Variants in TATDN2 observed in about 807,000 individuals in gnomAD.
TATDN2 encodes TatD DNase domain containing 2, also known as 3'-5' RNA nuclease TATDN2.
Under a neutral mutation model 60.3 loss-of-function variants are expected in TATDN2, and 44 were observed. The observed-to-expected ratio is 0.73, with a 90% confidence interval of 0.57 to 0.94. TATDN2 has a LOEUF of 0.94. TATDN2 is among the 40% of genes least tolerant of loss of function. The pLI, the probability that TATDN2 is intolerant of heterozygous loss-of-function variation, is 0.00. For missense variants in TATDN2, 997 were observed against 948.0 expected (o/e 1.05, Z -0.68); for synonymous variants, 399 against 355.8 (o/e 1.12, Z -1.37).
At position 10,270,264 on chromosome 3, in the gene TATDN2, C is replaced by A. The variant is rs1698539242; in HGVS notation, c.1082C>A (p.Ser361Tyr). 1 of 1,614,096 alleles carries A rather than the reference C, an allele frequency of 6.2e-7. No homozygotes were observed. Among genetic ancestry groups the A allele is most frequent in the Non-Finnish European group, 8.5e-7 (1 of 1,180,056 alleles). ...AAACCTTCAGCCGTTCCGGAGCCTT[C>A]TTCCTTCACCACCGACTATGTCATG... ...SLKPSAVPEP[S>Y]SFTTDYVMYP... The change falls in exon 4 of 8, where the codon TCT (serine) becomes TAT (tyrosine). Residue 361 changes from serine (S) to tyrosine (Y), a missense_variant. Transcript: ENST00000448281.
Position 10,278,697 on chromosome 3 carries a change from C to T in TATDN2, c.2146-188C>T. The stretch of plus-strand genomic sequence containing the variant: ...AAGCCCTACCCTGTAGAGGGTAGTC[C>T]AAGGAAGCGTGGGACCCTGCTCACC... On this transcript the variant is annotated intron_variant, in intron 6 of 7. Coordinates refer to ENST00000448281, the MANE Select transcript of TATDN2 (RefSeq NM_014760.4). The surrounding 1 kb of genome is among the most constrained non-coding windows in gnomAD (Gnocchi z 4.7). The T allele has an allele frequency of 9.7e-7, 1 of 1,028,570 alleles. No homozygotes were observed. Among genetic ancestry groups the T allele is most frequent in the African/African-American group, 1.6e-5 (1 of 63,242 alleles). 63.7% of individuals were successfully genotyped at this position (1,028,570 alleles called of 1,614,324 possible).
chr3:10,276,023 C>T (rs1480900247), intron 4 of TATDN2, among the ~76,000 whole-genome samples: 8 of 152,110 alleles, frequency 5.3e-5, no homozygotes, highest in Admixed American at 4.6e-4. Flanking sequence ...CACCCCAGGT[C>T]GGCATCATAT....
At chr3:10,261,965 A>T (rs990962452) in intron 3 of TATDN2, among the ~76,000 whole-genome samples, 2 of 152,168 alleles carry the variant, frequency 1.3e-5, no homozygotes, top group South Asian at 4.1e-4. Flanking sequence ...TGTTACTGCC[A>T]TGTTCACAGC....
rs868368436 is a variant in TATDN2, at chr3:10,248,580, G to C, written c.-494G>C. On this transcript the variant is annotated 5_prime_UTR_variant, in exon 1 of 8. Coordinates refer to ENST00000448281, the MANE Select transcript of TATDN2 (RefSeq NM_014760.4). The stretch of plus-strand genomic sequence containing the variant: ...GGGCTGTAGGGCTGGGGCAGGCGGC[G>C]GGCTGCCCGGCGGGACAGCTGCGGC... The C allele has an allele frequency of 6.6e-6, 1 of 151,938 alleles. No individual in the cohort carries two copies. The highest frequency in any genetic ancestry group is 2.4e-5 in the African/African-American group (1 of 41,382). 9.4% of individuals were successfully genotyped at this position (151,938 alleles called of 1,614,324 possible). A position where few individuals can be genotyped will look rare whatever the true frequency, so the allele number is the denominator to read the frequency against.
chr3:10,270,905 C>A lies in TATDN2; in HGVS notation c.1723C>A (p.Gln575Lys), dbSNP rs755099708. The A allele has an allele frequency of 5.0e-6, 8 of 1,614,056 alleles. No individual in the cohort carries two copies. The African/African-American group carries it at 6.7e-5, about 13-fold the overall frequency. ...PHFARYYSES[Q>K]ERNLLQALRH... Reference sequence around the variant, plus strand: ...TTTTGCACGTTACTACAGTGAGAGTCAAGAAAGAAATCTTTTGCAAGCCTT... The same window carrying A: ...TTTTGCACGTTACTACAGTGAGAGTAAAGAAAGAAATCTTTTGCAAGCCTT... The change falls in exon 4 of 8, where the codon CAA becomes AAA. Residue 575 changes from glutamine to lysine, a missense_variant. Coordinates refer to ENST00000448281, the MANE Select transcript of TATDN2 (RefSeq NM_014760.4).
At chr3:10,252,693 CT>C (rs57537171) in intron 2 of TATDN2, among the ~76,000 whole-genome samples, 27 of 147,070 alleles carry the variant, frequency 1.8e-4, no homozygotes, top group South Asian at 6.5e-4. Flanking sequence ...GCTCTGTAAA[CT>C]TTTTTTTTTT....
At chr3:10,272,110 C>A (rs1698575362) in intron 4 of TATDN2, among the ~76,000 whole-genome samples, 1 of 151,876 alleles carries the variant, frequency 6.6e-6, no homozygotes, top group Admixed American at 6.6e-5. Context: ...TTTAGAATTT[C>A]TTTTCTTTTT....
At chr3:10,277,304 G>A (rs770278228) in intron 5 of TATDN2, among the ~76,000 whole-genome samples, 6 of 152,190 alleles carry the variant, frequency 3.9e-5, no homozygotes, top group Admixed American at 1.3e-4. Context: ...CTCTTGCCAC[G>A]TGTAGGTCCT....
rs1429245348 is a variant in TATDN2, at chr3:10,248,890, A to G, written c.-184A>G. ...GCGCTTCGTAGCCCCGGAAGCGCTT[A>G]GGCATCTCCGAAGTAGCGCTGGGCA... On this transcript the variant is annotated 5_prime_UTR_variant, in exon 1 of 8. Transcript: ENST00000448281. 1 of 350,214 alleles carries G rather than the reference A, an allele frequency of 2.9e-6. No individual in the cohort carries two copies. Among genetic ancestry groups the G allele is most frequent in the Non-Finnish European group, 5.1e-6 (1 of 195,842 alleles). 21.7% of individuals were successfully genotyped at this position (350,214 alleles called of 1,614,324 possible).
At position 10,270,733 on chromosome 3, in the gene TATDN2, G is replaced by T. The variant is rs368596348; in HGVS notation, c.1551G>T (p.Lys517Asn). The change falls in exon 4 of 8, where the codon AAG becomes AAT. Residue 517 changes from lysine (K) to asparagine (N), a missense_variant. Lys to Asn is a moderately conservative substitution (Grantham distance 94). Coordinates refer to ENST00000448281, the MANE Select transcript of TATDN2 (RefSeq NM_014760.4). ...TATCTTTCCAAGGGACCTTTACAAA[G>T]TTCAGAAAAATTTACAGCAGCTCCT... ...SKLSFQGTFT[K>N]FRKIYSSSFP... 5 of 1,614,080 alleles carry T rather than the reference G, an allele frequency of 3.1e-6. No individual in the cohort carries two copies. The African/African-American group carries it at 6.7e-5, about 22-fold the overall frequency.
chr3:10,253,403 G>A (rs1441050854), intron 2 of TATDN2, among the ~76,000 whole-genome samples: 1 of 152,208 alleles, frequency 6.6e-6, no homozygotes, highest in Admixed American at 6.5e-5. Context: ...ATTCTGAGGG[G>A]AAGGTGTTAG....
chr3:10,256,296 C>T (rs1040879625), intron 2 of TATDN2, among the ~76,000 whole-genome samples: 1 of 152,064 alleles, frequency 6.6e-6, no homozygotes, highest in African/African-American at 2.4e-5. Context: ...GTCTCAGCTC[C>T]TGGAGTAGCT....
rs568531479 is a variant in TATDN2, at chr3:10,271,606, C to T, written c.1833+591C>T. Among the ~76,000 whole-genome samples, 84 of 151,640 alleles carry T rather than the reference C, an allele frequency of 5.5e-4. 1 individual carries two copies. The South Asian group carries it at 0.013, about 24-fold the overall frequency. On this transcript the variant is annotated intron_variant, in intron 4 of 7. Coordinates refer to ENST00000448281, the MANE Select transcript of TATDN2 (RefSeq NM_014760.4). ...GGCATGAGCCACTGCGCCTGGCCTG[C>T]ATTGTTTTTTTTAAATATACCCATT...
At chr3:10,251,710 T>A (rs866748853) in intron 2 of TATDN2, among the ~76,000 whole-genome samples, 3 of 152,094 alleles carry the variant, frequency 2.0e-5, no homozygotes, top group Middle Eastern at 3.4e-3. Context: ...TTTAAAAAAA[T>A]TATTTTATTT....
At chr3:10,256,386 G>A (rs1317409596) in intron 2 of TATDN2, among the ~76,000 whole-genome samples, 1 of 151,826 alleles carries the variant, frequency 6.6e-6, no homozygotes, top group Admixed American at 6.6e-5. Context: ...ATGTTGCCCA[G>A]ACTGGTCTTG....
chr3:10,249,761 C>A, intron 2 of TATDN2, 147 bp downstream of exon 2: 1 of 975,232 alleles, frequency 1.0e-6, no homozygotes, highest in Non-Finnish European at 1.4e-6. Flanking sequence ...TCCCCCCAAA[C>A]TCGAAGACCT....
chr3:10,273,827 AACTATGTAACTC>A (rs1295078290), intron 4 of TATDN2, among the ~76,000 whole-genome samples: 1 of 152,230 alleles, frequency 6.6e-6, no homozygotes, highest in Admixed American at 6.5e-5. Flanking sequence ...TTTACAGATT[AACTATGTAACTC>A]ATAAGAGTTA....
intron 3 of TATDN2, among the ~76,000 whole-genome samples, chr3:10,260,881 G>A (rs402592): frequency 0.46 from 65,848 of 142,726 alleles, 15,520 homozygotes; most frequent in East Asian, 0.97. Context: ...TTTTTTTTTT[G>A]AAGGATTTAT....
chr3:10,277,163 A>C (rs929471686), intron 5 of TATDN2, among the ~76,000 whole-genome samples: 3 of 152,168 alleles, frequency 2.0e-5, no homozygotes, highest in Admixed American at 6.5e-5. Flanking sequence ...GGTACTTGAA[A>C]GGACATTTTC....
Sources: allele counts gnomAD v4.1 joint callset (sites outside exome capture counted in the v4.1 genomes callset), GRCh38; gene constraint gnomAD v4.1.1; non-coding constraint Gnocchi (gnomAD v3.1); transcripts MANE v1.5; gene names NCBI Gene and HGNC (gene_info 2026-07-23, HGNC 2026-07-21).